The following NCR3LG1 variants were observed in gnomAD, a reference collection of about 807,000 sequenced individuals.
The protein encoded by NCR3LG1 is natural cytotoxicity triggering receptor 3 ligand 1.
A neutral mutation model predicts 34.8 loss-of-function variants in NCR3LG1; 35 were observed. The ratio of observed to expected loss-of-function variants is 1.01; its 90% confidence interval spans 0.77 to 1.33. The LOEUF is 1.33. NCR3LG1 is among the 40% of genes most tolerant of loss of function. The probability of loss-of-function intolerance (pLI) is 0.00; values close to 1 mark genes in which losing one functional copy is unlikely to be tolerated. For synonymous variants in NCR3LG1, 173 were observed against 163.6 expected (o/e 1.06, Z -0.44); for missense variants, 452 against 423.3 (o/e 1.07, Z -0.60).
intron 4 of NCR3LG1, among the ~76,000 whole-genome samples, chr11:17,370,186 A>G (rs1953390839): frequency 6.6e-6 from 1 of 152,158 alleles, no homozygotes; most frequent in Admixed American, 6.6e-5. Context: ...CAGCTGTGAA[A>G]TGGCAACCCT....
chr11:17,372,413 C>T lies in NCR3LG1; in HGVS notation c.1266C>T (p.Ile422=). ...EHSDAVPDAP[I]LPVSPIWEPP... is the part of the protein sequence containing the mutation. ...CGGATGCAGTTCCGGATGCCCCAATCCTTCCTGTCTCCCCTATCTGGGAAC... is the reference window on the plus strand; with the variant it reads ...CGGATGCAGTTCCGGATGCCCCAATTCTTCCTGTCTCCCCTATCTGGGAAC... The change falls in exon 5 of 5, where the codon ATC becomes ATT. Residue 422 remains isoleucine (I), a synonymous_variant. Coordinates refer to ENST00000338965, the MANE Select transcript of NCR3LG1 (RefSeq NM_001202439.3). 1.4e-6 allele frequency: 1 copy of T among 703,252 alleles called. No individual in the cohort carries two copies. Among genetic ancestry groups the T allele is most frequent in the Non-Finnish European group, 2.6e-6 (1 of 385,042 alleles). 43.6% of individuals were successfully genotyped at this position (703,252 alleles called of 1,614,324 possible).
chr11:17,353,789 G>A (rs1953171805), intron 1 of NCR3LG1, among the ~76,000 whole-genome samples: 1 of 152,248 alleles, frequency 6.6e-6, no homozygotes, highest in Admixed American at 6.5e-5. Context: ...GCGGCTGCAT[G>A]AGGGTCGGAC....
At chr11:17,357,625 AAC>A (rs1953225294) in intron 2 of NCR3LG1, among the ~76,000 whole-genome samples, 1 of 151,508 alleles carries the variant, frequency 6.6e-6, no homozygotes, top group Non-Finnish European at 1.5e-5. Context: ...ACAGAGGAAT[AAC>A]AGTGACAGTG....
Position 17,376,323 on chromosome 11 carries a change from C to T in NCR3LG1, c.*3811C>T, listed in dbSNP as rs967679694. The T allele has an allele frequency of 1.3e-5, 2 of 152,132 alleles. No individual in the cohort carries two copies. The highest frequency in any genetic ancestry group is 2.9e-5 in the Non-Finnish European group (2 of 68,024). 9.4% of individuals were successfully genotyped at this position (152,132 alleles called of 1,614,324 possible). A position where few individuals can be genotyped will look rare whatever the true frequency, so the allele number is the denominator to read the frequency against. On this transcript the variant is annotated 3_prime_UTR_variant, in exon 5 of 5. Coordinates refer to ENST00000338965, the MANE Select transcript of NCR3LG1 (RefSeq NM_001202439.3). ...TTAAATAATTCCTCACTTTGGGCTC[C>T]CTAAGTACTTCCAAAACAACAATGG...
downstream of NCR3LG1, among the ~76,000 whole-genome samples, chr11:17,379,032 CA>C: frequency 6.6e-6 from 1 of 152,346 alleles, no homozygotes; most frequent in African/African-American, 2.4e-5. Flanking sequence ...AGATGCCCAG[CA>C]CTCATCAATT....
In NCR3LG1 at chr11:17,374,658, C is replaced by G. The variant is rs1430528602; in HGVS notation, c.*2146C>G. On this transcript the variant is annotated 3_prime_UTR_variant, in exon 5 of 5. Coordinates refer to ENST00000338965, the MANE Select transcript of NCR3LG1 (RefSeq NM_001202439.3). Reference sequence around the variant, plus strand: ...GATTAATCCCATTTCCTCCCTTCCTCTCCCCAGAACCCTCAAGCAGCTGAG... The same window carrying G: ...GATTAATCCCATTTCCTCCCTTCCTGTCCCCAGAACCCTCAAGCAGCTGAG... 1.3e-5 allele frequency: 2 copies of G among 152,162 alleles called. No individual in the cohort carries two copies. The highest frequency in any genetic ancestry group is 4.8e-5 in the African/African-American group (2 of 41,432). 9.4% of individuals were successfully genotyped at this position (152,162 alleles called of 1,614,324 possible).
At chr11:17,369,159 C>T (rs905874554) in intron 4 of NCR3LG1, among the ~76,000 whole-genome samples, 195 bp downstream of exon 4, 1 of 152,182 alleles carries the variant, frequency 6.6e-6, no homozygotes, top group African/African-American at 2.4e-5. Context: ...ACCTAGCTGT[C>T]ACATACCATC....
intron 1 of NCR3LG1, 78 bp downstream of exon 1, chr11:17,352,117 C>A: frequency 2.2e-6 from 2 of 899,010 alleles, no homozygotes; most frequent in South Asian, 3.5e-5. Context: ...CCTAGCATCC[C>A]GCCAGGGGAC....
intron 1 of NCR3LG1, among the ~76,000 whole-genome samples, chr11:17,354,310 A>T (rs1953178738): frequency 6.6e-6 from 1 of 152,234 alleles, no homozygotes; most frequent in African/African-American, 2.4e-5. Flanking sequence ...GAATGCTGTT[A>T]AGCTGTTAAG....
chr11:17,366,053 A>G (rs1230397955), intron 2 of NCR3LG1, among the ~76,000 whole-genome samples: 1 of 152,162 alleles, frequency 6.6e-6, no homozygotes, highest in Non-Finnish European at 1.5e-5. Context: ...TGTTCTTATT[A>G]TAGGGTGGGA....
chr11:17,357,619 A>G (rs1937829520), intron 2 of NCR3LG1, among the ~76,000 whole-genome samples: 1 of 151,914 alleles, frequency 6.6e-6, no homozygotes, highest in African/African-American at 2.4e-5. Flanking sequence ...CAACTGACAG[A>G]GGAATAACAG....
chr11:17,365,164 T>C (rs1953330770), intron 2 of NCR3LG1, among the ~76,000 whole-genome samples: 1 of 152,226 alleles, frequency 6.6e-6, no homozygotes, highest in Admixed American at 6.5e-5. Context: ...ATGTATCAGG[T>C]AATAGGCTTT....
At chr11:17,379,784 ACTGTTTTATACTGG>A (rs1448987081), downstream of NCR3LG1, among the ~76,000 whole-genome samples, 1 of 152,194 alleles carries the variant, frequency 6.6e-6, no homozygotes. Flanking sequence ...TTTTAAAGCC[ACTGTTTTATACTGG>A]CTTTGTTACA....
At chr11:17,366,092 C>T (rs1405774338) in intron 2 of NCR3LG1, among the ~76,000 whole-genome samples, 1 of 152,132 alleles carries the variant, frequency 6.6e-6, no homozygotes, top group East Asian at 1.9e-4. Flanking sequence ...AGAGGGAAAC[C>T]TGGAAGTCAA....
chr11:17,380,087 T>C (rs1002700815), downstream of NCR3LG1, among the ~76,000 whole-genome samples: 2 of 152,258 alleles, frequency 1.3e-5, no homozygotes, highest in African/African-American at 4.8e-5. Flanking sequence ...GATCTCCAGC[T>C]GCTGATCTCG....
chr11:17,359,904 A>G (rs1382381915), intron 2 of NCR3LG1, among the ~76,000 whole-genome samples: 1 of 151,828 alleles, frequency 6.6e-6, no homozygotes, highest in Non-Finnish European at 1.5e-5. Flanking sequence ...ACATCTTTTC[A>G]TATTCTTACT....
intron 3 of NCR3LG1, among the ~76,000 whole-genome samples, chr11:17,368,233 A>C (rs1407123763): frequency 6.6e-6 from 1 of 152,182 alleles, no homozygotes; most frequent in Admixed American, 6.5e-5. Context: ...AGTTCACGGC[A>C]GACCCACTCC....
rs1385199853 is a variant in NCR3LG1, at chr11:17,373,749, GTTTACACAGGCC to G, written c.*1241_*1252del. Reference sequence around the variant, plus strand: ...TTAGTTGCAGTCAGAGGGACCTACTGTTTACACAGGCCTTTTTAGTCATGCCTGAAAGTCCCA... The same window carrying G: ...TTAGTTGCAGTCAGAGGGACCTACTGTTTTTAGTCATGCCTGAAAGTCCCA... On this transcript the variant is annotated 3_prime_UTR_variant, in exon 5 of 5. Transcript: ENST00000338965. The G allele has an allele frequency of 2.0e-5, 3 of 146,832 alleles. No homozygotes were observed. The highest frequency in any genetic ancestry group is 7.5e-5 in the African/African-American group (3 of 40,078). The allele number at this position is 146,832 out of a possible 1,614,324, so 9.1% of individuals were successfully genotyped here.
rs1953483298 is a variant in NCR3LG1 at position 17,377,005 on chromosome 11, A to G, written c.*4493A>G. ...GGCACTATAATGTAAAAAACAACAC[A>G]TAGGCCTTCCCAGACATGCACCCTC... is the stretch of plus-strand genomic sequence containing the variant. On this transcript the variant is annotated 3_prime_UTR_variant, in exon 5 of 5. Coordinates refer to ENST00000338965, the MANE Select transcript of NCR3LG1 (RefSeq NM_001202439.3). The G allele has an allele frequency of 6.6e-6, 1 of 152,130 alleles. No homozygotes were observed. Among genetic ancestry groups the G allele is most frequent in the African/African-American group, 2.4e-5 (1 of 41,412 alleles). The allele number at this position is 152,130 out of a possible 1,614,324, so 9.4% of individuals were successfully genotyped here.
Sources: gnomAD v4.1 joint callset for allele counts (sites outside exome capture counted in the v4.1 genomes callset) on GRCh38, gnomAD v4.1.1 for gene constraint, MANE v1.5 for transcripts, NCBI Gene and HGNC (gene_info 2026-07-23, HGNC 2026-07-21) for gene names.